The following ATXN7 variants were observed in gnomAD, a reference collection of about 807,000 sequenced individuals.
The protein encoded by ATXN7 is ataxin-7.
ATXN7 carries 12 observed loss-of-function variants against 70.5 expected under a neutral mutation model. The observed-to-expected ratio is 0.17, with a 90% confidence interval of 0.11 to 0.28. The LOEUF is 0.28. Among genes scored for constraint, ATXN7 ranks in the 10% least tolerant of loss-of-function variants. ATXN7 has a pLI of 1.00. For missense variants in ATXN7, 1,256 were observed against 1,131.7 expected, an observed-to-expected ratio of 1.11 and a Z score of -1.58; for synonymous variants, 498 against 448.7, an observed-to-expected ratio of 1.11 and a Z score of -1.39.
intron 1 of ATXN7, among the ~76,000 whole-genome samples, chr3:63,889,392 T>A (rs1023035063): frequency 6.6e-6 from 1 of 152,190 alleles, no homozygotes; most frequent in African/African-American, 2.4e-5. Context: ...AGTTGAAATA[T>A]TTACATTAAT....
At chr3:63,936,823 T>C (rs1242711994) in intron 4 of ATXN7, among the ~76,000 whole-genome samples, 2 of 152,238 alleles carry the variant, frequency 1.3e-5, no homozygotes, top group Non-Finnish European at 2.9e-5. Context: ...TCTTTATCCG[T>C]GATTCTACTC....
At chr3:63,993,967 G>C (rs1450818430) in intron 11 of ATXN7, among the ~76,000 whole-genome samples, 1 of 152,166 alleles carries the variant, frequency 6.6e-6, no homozygotes, top group Non-Finnish European at 1.5e-5. Context: ...CAACCTCTCA[G>C]GTAATTAATG....
At chr3:63,893,950 A>G (rs891046483) in intron 1 of ATXN7, among the ~76,000 whole-genome samples, 2 of 152,216 alleles carry the variant, frequency 1.3e-5, no homozygotes, top group Admixed American at 6.5e-5. Flanking sequence ...ACTAGATGCC[A>G]TATTAATTTG....
chr3:63,962,807 C>G (rs1313519766), intron 5 of ATXN7, among the ~76,000 whole-genome samples: 4 of 151,854 alleles, frequency 2.6e-5, no homozygotes, highest in African/African-American at 9.7e-5. Flanking sequence ...CAACTGTGGT[C>G]TGTTGTGCTA....
chr3:63,887,712 A>G (rs893126130), intron 1 of ATXN7, among the ~76,000 whole-genome samples: 1 of 151,994 alleles, frequency 6.6e-6, no homozygotes, highest in Non-Finnish European at 1.5e-5. Flanking sequence ...CAGTCTCCCA[A>G]GTAGCAGGGA....
chr3:63,921,336 C>G (rs1704503183), intron 4 of ATXN7, among the ~76,000 whole-genome samples: 2 of 152,146 alleles, frequency 1.3e-5, no homozygotes, highest in African/African-American at 4.8e-5. Flanking sequence ...AAAGGTAATG[C>G]TTTTAACCAG....
chr3:63,933,945 A>G (rs1268535882), intron 4 of ATXN7, among the ~76,000 whole-genome samples: 1 of 151,098 alleles, frequency 6.6e-6, no homozygotes, highest in Admixed American at 6.6e-5. Context: ...ATTAGCCAGT[A>G]TGGTTATTTA....
At chr3:63,865,756 G>T (rs925858525) in intron 1 of ATXN7, among the ~76,000 whole-genome samples, 1 of 150,626 alleles carries the variant, frequency 6.6e-6, no homozygotes, top group African/African-American at 2.4e-5. Flanking sequence ...TTAGCCGGGC[G>T]TAGTGGCGGG....
intron 4 of ATXN7, among the ~76,000 whole-genome samples, chr3:63,951,125 C>T (rs942459803): frequency 6.6e-6 from 1 of 152,036 alleles, no homozygotes; most frequent in Non-Finnish European, 1.5e-5. Flanking sequence ...AGAAACTACT[C>T]GGTGCTGCAA....
chr3:63,874,906 A>G (rs1490878956), intron 1 of ATXN7, among the ~76,000 whole-genome samples: 2 of 152,152 alleles, frequency 1.3e-5, no homozygotes, highest in Non-Finnish European at 2.9e-5. Context: ...GAAGTCCATG[A>G]TCAGGGTGCC....
At chr3:63,964,339 G>T (rs184182852) in intron 5 of ATXN7, among the ~76,000 whole-genome samples, 3 of 152,096 alleles carry the variant, frequency 2.0e-5, no homozygotes, top group African/African-American at 7.2e-5. Flanking sequence ...AAAATGTGAG[G>T]CCTCCTAGAG....
intron 11 of ATXN7, chr3:63,991,084 A>G: frequency 1.7e-6 from 1 of 583,432 alleles, no homozygotes; most frequent in South Asian, 2.1e-5. Context: ...TCCCACATGT[A>G]TGGAGCTCAC....
rs1283176714 is a variant in ATXN7 at position 63,996,369 on chromosome 3, C to A, written c.2547C>A (p.Ser849Arg). The change falls in exon 12 of 13, where the codon AGC becomes AGA. Residue 849 changes from serine (S) to arginine (R), a missense_variant. Transcript: ENST00000674280. The part of the protein sequence containing the change: ...CSPSSSSINN[S>R]SSKPTKVAKV... ...CCAGCTCGAGCAGCATCAACAACAG[C>A]AGCAGCAAACCCACAAAGGTTGCCA... The A allele has an allele frequency of 6.2e-7, 1 of 1,614,160 alleles. No homozygotes were observed. The highest frequency in any genetic ancestry group is 1.1e-5 in the South Asian group (1 of 91,078).
intron 1 of ATXN7, among the ~76,000 whole-genome samples, chr3:63,892,622 G>A (rs569859144): frequency 7.9e-5 from 12 of 152,274 alleles, no homozygotes; most frequent in African/African-American, 2.9e-4. Flanking sequence ...GAGAGTGAAG[G>A]TAAATGCCAG....
At chr3:63,909,413 T>C (rs879287340) in intron 2 of ATXN7, among the ~76,000 whole-genome samples, 1 of 152,110 alleles carries the variant, frequency 6.6e-6, no homozygotes, top group Non-Finnish European at 1.5e-5. Flanking sequence ...CACACACACA[T>C]ACACACAAAA....
intron 4 of ATXN7, among the ~76,000 whole-genome samples, chr3:63,928,733 C>G (rs1704817451): frequency 6.6e-6 from 1 of 152,180 alleles, no homozygotes; most frequent in African/African-American, 2.4e-5. Flanking sequence ...CCAGATGGTT[C>G]CCTGATTTAT....
Position 63,912,655 on chromosome 3 carries a change from GGCGGGCGGAGCAGCGGCC to G in ATXN7, c.62_79del (p.Gly21_Ala26del), listed in dbSNP as rs1704078573. The G allele has an allele frequency of 1.9e-6, 2 of 1,040,318 alleles. No homozygotes were observed. The highest frequency in any genetic ancestry group is 3.5e-5 in the African/African-American group (2 of 57,710). The allele number at this position is 1,040,318 out of a possible 1,614,324, so 64.4% of individuals were successfully genotyped here. A position where few individuals can be genotyped will look rare whatever the true frequency, so the allele number is the denominator to read the frequency against. ...GGGAGCCGCGCCGCGCGGCGGCGGC[GGCGGGCGGAGCAGCGGCC>G]GCGGCCGCCCGGCAGCAGCAGCAGC... On this transcript the variant is annotated inframe_deletion, in exon 3 of 13. Transcript: ENST00000674280.
At chr3:63,946,085 A>G (rs991717686) in intron 4 of ATXN7, among the ~76,000 whole-genome samples, 1 of 152,224 alleles carries the variant, frequency 6.6e-6, no homozygotes, top group South Asian at 2.1e-4. Context: ...TCATAAACAC[A>G]CAGTGATAGG....
At chr3:63,866,964 T>G (rs891868729) in intron 1 of ATXN7, 4 of 151,992 alleles carry the variant, frequency 2.6e-5, no homozygotes, top group Admixed American at 2.0e-4. Flanking sequence ...TTCTGGGTTT[T>G]TTTTTTTTTG....
Sources: allele counts gnomAD v4.1 joint callset (sites outside exome capture counted in the v4.1 genomes callset), GRCh38; gene constraint gnomAD v4.1.1; transcripts MANE v1.5; gene names NCBI Gene and HGNC (gene_info 2026-07-23, HGNC 2026-07-21).